Variants in TPTE observed in about 807,000 individuals in gnomAD.
The protein encoded by TPTE is putative tyrosine-protein phosphatase TPTE.
Under a neutral mutation model 84.1 loss-of-function variants are expected in TPTE, and 59 were observed. The ratio of observed to expected loss-of-function variants is 0.70; its 90% confidence interval spans 0.57 to 0.87. The LOEUF (loss-of-function observed/expected upper bound fraction) is 0.87. TPTE is among the 40% of genes least tolerant of loss of function. The pLI is 0.00. For synonymous variants in TPTE, 130 were observed against 223.5 expected (o/e 0.58, Z 3.73); for missense variants, 382 against 659.6 (o/e 0.58, Z 4.61).
intron 3 of TPTE, among the ~76,000 whole-genome samples, chr21:10,532,067 C>G (rs943741429): frequency 3.9e-5 from 6 of 152,300 alleles, no homozygotes; most frequent in Admixed American, 6.5e-5. Flanking sequence ...ATTAATGGAG[C>G]CTTTATATGT....
chr21:10,542,214 T>C (rs1268254972), intron 5 of TPTE, among the ~76,000 whole-genome samples, 181 bp from the exon 6 acceptor site: 4 of 152,312 alleles, frequency 2.6e-5, no homozygotes, highest in Non-Finnish European at 5.9e-5. Context: ...ATTTTGGTTG[T>C]CGCCATATAA....
rs1357360069 is a variant in TPTE, at chr21:10,534,906, G to A, written c.-43-3775G>A. Among the ~76,000 whole-genome samples the A allele has an allele frequency of 3.3e-4, 50 of 152,410 alleles. No individual in the cohort carries two copies. The South Asian group carries it at 0.01, about 31-fold the overall frequency. On this transcript the variant is annotated intron_variant, in intron 3 of 23. Transcript: ENST00000618007. Reference sequence around the variant, plus strand: ...TTGCCTGTGTATGAGATTCTACCAGGTTAGGCTATATTAGTTTCTAGGGCT... The same window carrying A: ...TTGCCTGTGTATGAGATTCTACCAGATTAGGCTATATTAGTTTCTAGGGCT...
At chr21:10,591,360 C>T (rs1158301820) in intron 18 of TPTE, among the ~76,000 whole-genome samples, 2 of 152,310 alleles carry the variant, frequency 1.3e-5, no homozygotes, top group Non-Finnish European at 2.9e-5. Context: ...ATTCCACCAC[C>T]TTTGGTTTCT....
At chr21:10,585,721 C>T (rs1317942856) in intron 17 of TPTE, among the ~76,000 whole-genome samples, 2 of 152,308 alleles carry the variant, frequency 1.3e-5, no homozygotes, top group Non-Finnish European at 2.9e-5. Context: ...GCACATTGGC[C>T]TAGAGTTTTC....
chr21:10,560,265 T>TTATG (rs2074770939), intron 9 of TPTE, among the ~76,000 whole-genome samples: 1 of 152,308 alleles, frequency 6.6e-6, no homozygotes, highest in Non-Finnish European at 1.5e-5. Context: ...AACAATTTAC[T>TTATG]TAGACTCTTC....
intron 14 of TPTE, among the ~76,000 whole-genome samples, chr21:10,576,793 T>C (rs1473507679): frequency 6.6e-6 from 1 of 151,962 alleles, no homozygotes; most frequent in African/African-American, 2.4e-5. Flanking sequence ...GTATTTTAAA[T>C]TATAACTACT....
At chr21:10,602,781 G>C (rs768773762) in intron 22 of TPTE, 1 of 518,098 alleles carries the variant, frequency 1.9e-6, no homozygotes, top group East Asian at 5.4e-5. Flanking sequence ...ACTAGAAGGG[G>C]GAGCCATCCA....
chr21:10,601,476 G>T (rs1436751452), intron 21 of TPTE, among the ~76,000 whole-genome samples: 1 of 152,090 alleles, frequency 6.6e-6, no homozygotes, highest in African/African-American at 2.4e-5. Context: ...GTAGCCTGGC[G>T]ACAGAGTGAG....
chr21:10,589,672 CAT>C (rs1313508321), intron 17 of TPTE, among the ~76,000 whole-genome samples: 3 of 152,304 alleles, frequency 2.0e-5, no homozygotes, highest in Non-Finnish European at 2.9e-5. Context: ...GCCCGGGTTG[CAT>C]GGATGTCCAG....
chr21:10,569,797 T>C (rs373444942), intron 13 of TPTE, 51 bp downstream of exon 13: 5,868 of 1,594,376 alleles, frequency 3.7e-3, no homozygotes, highest in Non-Finnish European at 4.7e-3. Context: ...CTTTTTCTTG[T>C]AATTGTATTT....
At chr21:10,531,236 G>T (rs1306789128) in intron 3 of TPTE, among the ~76,000 whole-genome samples, 1 of 152,298 alleles carries the variant, frequency 6.6e-6, no homozygotes, top group African/African-American at 2.4e-5. Flanking sequence ...TCGGAGGTGG[G>T]GCCTAATGGA....
intron 10 of TPTE, among the ~76,000 whole-genome samples, chr21:10,566,869 C>T (rs1172864635): frequency 4.6e-5 from 7 of 152,326 alleles, no homozygotes; most frequent in African/African-American, 9.6e-5. Context: ...CCCAGCTACT[C>T]GTGAGGCTGA....
intron 3 of TPTE, among the ~76,000 whole-genome samples, chr21:10,529,183 C>CAAAGAAAAAAAAAAAAAA (rs2074134207): frequency 6.9e-6 from 1 of 144,134 alleles, no homozygotes. Flanking sequence ...AACTCTGTCT[C>CAAAGAAAAAAAAAAAAAA]AAAAAAAAAA....
At chr21:10,567,345 A>T (rs1380831704) in intron 10 of TPTE, among the ~76,000 whole-genome samples, 2 of 152,286 alleles carry the variant, frequency 1.3e-5, no homozygotes, top group Non-Finnish European at 2.9e-5. Context: ...TTGTAACATG[A>T]ATGATAAATG....
chr21:10,557,273 A>C (rs571237382), intron 8 of TPTE, among the ~76,000 whole-genome samples: 8 of 152,426 alleles, frequency 5.2e-5, no homozygotes, highest in African/African-American at 1.9e-4. Context: ...TTACTGAGTC[A>C]TAGTTATTTC....
intron 22 of TPTE, among the ~76,000 whole-genome samples, chr21:10,602,510 AT>A (rs1978677848): frequency 6.6e-6 from 1 of 152,304 alleles, no homozygotes; most frequent in African/African-American, 2.4e-5. Context: ...AAATTAAGAA[AT>A]TGAGACAGGG....
chr21:10,588,528 C>T (rs2075408263), intron 17 of TPTE, among the ~76,000 whole-genome samples: 1 of 152,306 alleles, frequency 6.6e-6, no homozygotes, highest in Non-Finnish European at 1.5e-5. Flanking sequence ...CAGGTGCCGT[C>T]TGGCTTTATT....
intron 10 of TPTE, 75 bp downstream of exon 10, chr21:10,561,266 G>A: frequency 2.5e-6 from 4 of 1,578,158 alleles, no homozygotes; most frequent in African/African-American, 1.4e-5. Context: ...GGCTGAGGTG[G>A]GAGGATCCCA....
chr21:10,585,291 AAG>A (rs2075343592), intron 17 of TPTE, among the ~76,000 whole-genome samples: 1 of 152,268 alleles, frequency 6.6e-6, no homozygotes, highest in Non-Finnish European at 1.5e-5. Flanking sequence ...TTAGCTTGCT[AAG>A]AGTTTTTTTT....
Sources: gnomAD v4.1 joint callset for allele counts (sites outside exome capture counted in the v4.1 genomes callset) on GRCh38, gnomAD v4.1.1 for gene constraint, MANE v1.5 for transcripts, NCBI Gene and HGNC (gene_info 2026-07-23, HGNC 2026-07-21) for gene names.